The following RBFOX1 variants were observed in gnomAD, a reference collection of about 807,000 sequenced individuals.
RBFOX1 encodes the protein RNA binding fox-1 homolog 1, also known as RNA binding protein fox-1 homolog 1.
Under a neutral mutation model 57.7 loss-of-function variants are expected in RBFOX1, and 8 were observed. The ratio of observed to expected loss-of-function variants is 0.14; its 90% CI spans 0.08 to 0.25. The LOEUF is 0.25. Ranked by LOEUF, RBFOX1 falls within the 10% of genes least tolerant of loss-of-function variation. RBFOX1 has a pLI of 1.00. For missense variants in RBFOX1, 611 were observed against 548.5 expected, an observed-to-expected ratio of 1.11 and a Z score of -1.14; for synonymous variants, 326 against 222.4, an observed-to-expected ratio of 1.47 and a Z score of -4.15.
At chr16:6,654,523 C>T (rs1164840646) in intron 2 of RBFOX1, 80 bp from the exon 3 acceptor site, 11 of 1,147,274 alleles carry the variant, frequency 9.6e-6, no homozygotes, top group Non-Finnish European at 1.3e-5. Flanking sequence ...GGCATTTCAA[C>T]AACACCACTG....
chr16:7,166,972 CTTTTTTTTTTTTTTTTTTTTTT>C (rs537293692), intron 4 of RBFOX1, among the ~76,000 whole-genome samples: 5 of 49,098 alleles, frequency 1.0e-4, no homozygotes, highest in East Asian at 6.5e-4. Context: ...CATTGGTGTT[CTTTTTTTTTTTTTTTTTTTTTT>C]TTTTTTTTTT....
intron 3 of RBFOX1, among the ~76,000 whole-genome samples, chr16:7,039,122 C>G (rs1473925712): frequency 1.3e-5 from 2 of 152,172 alleles, no homozygotes; most frequent in African/African-American, 4.8e-5. Context: ...GCTAAGAATA[C>G]TAAGTGTTTT....
At position 7,552,243 on chromosome 16, in the gene RBFOX1, C is replaced by A. The variant is rs369461442; in HGVS notation, c.271-27534C>A. Among the ~76,000 whole-genome samples, 207 of 152,220 alleles carry A rather than the reference C, an allele frequency of 1.4e-3. 2 individuals carry two copies. Among genetic ancestry groups the A allele is most frequent in the African/African-American group, 4.8e-3 (201 of 41,542 alleles). On this transcript the variant is annotated intron_variant, in intron 5 of 15. Transcript: ENST00000550418. Reference sequence around the variant, plus strand: ...TTCATAGAATTTTACAACTTGTTTTCAGGTATGCTTCTTTATTTCCATGTC... The same window carrying A: ...TTCATAGAATTTTACAACTTGTTTTAAGGTATGCTTCTTTATTTCCATGTC...
chr16:7,366,216 T>C (rs1036147466), intron 4 of RBFOX1, among the ~76,000 whole-genome samples: 3 of 152,246 alleles, frequency 2.0e-5, no homozygotes, highest in Non-Finnish European at 2.9e-5. Context: ...TGGTGTCTGC[T>C]GCCATTGCAT....
intron 4 of RBFOX1, among the ~76,000 whole-genome samples, chr16:7,179,838 G>C (rs1008205343): frequency 6.6e-6 from 1 of 151,782 alleles, no homozygotes; most frequent in Non-Finnish European, 1.5e-5. Context: ...AGGTTCAAGC[G>C]ATTCTCCTGC....
intron 4 of RBFOX1, among the ~76,000 whole-genome samples, chr16:7,196,764 C>G (rs572822573): frequency 6.6e-6 from 1 of 152,060 alleles, no homozygotes; most frequent in African/African-American, 2.4e-5. Flanking sequence ...GAAGGGAAGC[C>G]TGGGCAGGCT....
intron 3 of RBFOX1, among the ~76,000 whole-genome samples, chr16:5,799,022 A>G (rs1412646977): frequency 1.3e-5 from 2 of 152,146 alleles, no homozygotes; most frequent in African/African-American, 4.8e-5. Flanking sequence ...CATGCTGCTA[A>G]TGAAGACATA....
chr16:7,612,320 C>CAAA (rs60248765), intron 10 of RBFOX1, among the ~76,000 whole-genome samples: 8 of 71,452 alleles, frequency 1.1e-4, no homozygotes, highest in African/African-American at 3.2e-4. Flanking sequence ...GACTCCATCT[C>CAAA]AAAAAAAAAA....
chr16:6,694,701 C>T (rs1408403099), intron 3 of RBFOX1, among the ~76,000 whole-genome samples: 2 of 152,132 alleles, frequency 1.3e-5, no homozygotes, highest in Non-Finnish European at 2.9e-5. Context: ...GCCACCAGCT[C>T]TATCATATCC....
chr16:7,277,316 C>T (rs1328427306), intron 4 of RBFOX1, among the ~76,000 whole-genome samples: 1 of 152,134 alleles, frequency 6.6e-6, no homozygotes, highest in Non-Finnish European at 1.5e-5. Context: ...TGTGGTTACT[C>T]AGGGAAGATC....
intron 2 of RBFOX1, among the ~76,000 whole-genome samples, chr16:6,362,610 G>T (rs1306183044): frequency 6.6e-6 from 1 of 152,190 alleles, no homozygotes; most frequent in African/African-American, 2.4e-5. Flanking sequence ...TTAAGGTAGA[G>T]GGCAGAGTAA....
intron 4 of RBFOX1, among the ~76,000 whole-genome samples, chr16:7,241,189 T>C (rs996683245): frequency 6.6e-6 from 1 of 152,232 alleles, no homozygotes; most frequent in Non-Finnish European, 1.5e-5. Flanking sequence ...TTCATAACCC[T>C]GAAATGTATT....
intron 3 of RBFOX1, among the ~76,000 whole-genome samples, chr16:6,813,449 C>G (rs899209411): frequency 5.3e-5 from 8 of 152,168 alleles, no homozygotes; most frequent in African/African-American, 1.9e-4. Context: ...TTTGGGGACC[C>G]CAGCTCCTTC....
chr16:7,050,069 T>C (rs1757740033), intron 3 of RBFOX1, among the ~76,000 whole-genome samples: 3 of 152,182 alleles, frequency 2.0e-5, no homozygotes, highest in African/African-American at 7.2e-5. Context: ...CAATGAATTT[T>C]CCCTACTTCA....
chr16:6,493,155 G>A (rs868504901), intron 2 of RBFOX1, among the ~76,000 whole-genome samples: 3 of 152,084 alleles, frequency 2.0e-5, no homozygotes, highest in African/African-American at 7.2e-5. Context: ...ACCAACATAG[G>A]TATTCTGTGT....
At chr16:5,457,997 C>T (rs539990121) in intron 1 of RBFOX1, among the ~76,000 whole-genome samples, 2 of 152,206 alleles carry the variant, frequency 1.3e-5, no homozygotes, top group African/African-American at 2.4e-5. Flanking sequence ...ACTTGAATAG[C>T]CTCCCCTCTT....
chr16:5,957,378 C>A (rs1394847849), intron 4 of RBFOX1, among the ~76,000 whole-genome samples: 2 of 152,072 alleles, frequency 1.3e-5, no homozygotes, highest in African/African-American at 2.4e-5. Flanking sequence ...CCATGCCCAG[C>A]TAATTTTTGT....
chr16:6,332,178 G>A (rs1206728356), intron 2 of RBFOX1, among the ~76,000 whole-genome samples: 1 of 152,146 alleles, frequency 6.6e-6, no homozygotes, highest in African/African-American at 2.4e-5. Context: ...AAGGTTTGAG[G>A]AAGAATAATT....
In RBFOX1 at chr16:7,443,067, A is replaced by T. The variant is rs74012586; in HGVS notation, c.28-75080A>T. On this transcript the variant is annotated intron_variant, in intron 4 of 15. Transcript: ENST00000550418. ...AGCCCCATTCGTATCAAAACCACAA[A>T]CCTTACCCTTCAGTTGCACGAGAAC... 8.2e-3 allele frequency among the ~76,000 whole-genome samples: 1,245 copies of T among 152,186 alleles called. 16 individuals carry two copies. Among genetic ancestry groups the T allele is most frequent in the African/African-American group, 0.028 (1,177 of 41,536 alleles).
Sources: gnomAD v4.1 joint callset for allele counts (sites outside exome capture counted in the v4.1 genomes callset) on GRCh38, gnomAD v4.1.1 for gene constraint, MANE v1.5 for transcripts, NCBI Gene and HGNC (gene_info 2026-07-23, HGNC 2026-07-21) for gene names.